Variants in SOS1 observed in about 807,000 individuals in gnomAD.
SOS1 encodes SOS Ras/Rac guanine nucleotide exchange factor 1.
Under a neutral mutation model 157.6 loss-of-function variants are expected in SOS1, and 25 were observed. The ratio of observed to expected loss-of-function variants is 0.16; its 90% confidence interval spans 0.12 to 0.22. SOS1 has a LOEUF of 0.22. Ranked by LOEUF, SOS1 falls within the 10% of genes least tolerant of loss-of-function variation. SOS1 has a pLI of 1.00. For missense variants in SOS1, 1,237 were observed against 1,599.1 expected (o/e 0.77, Z 3.86); for synonymous variants, 528 against 534.0 (o/e 0.99, Z 0.16).
At chr2:39,114,600 C>T (rs1673576488) in intron 1 of SOS1, among the ~76,000 whole-genome samples, 1 of 152,046 alleles carries the variant, frequency 6.6e-6, no homozygotes, top group East Asian at 1.9e-4. Context: ...CCTGGCCCGG[C>T]TGATTTGTTT....
chr2:39,019,865 A>G (rs375578275), intron 10 of SOS1, among the ~76,000 whole-genome samples: 129 of 151,758 alleles, frequency 8.5e-4, no homozygotes, highest in African/African-American at 3.1e-3. Context: ...CAATATCTTC[A>G]TAGTACGCAC....
chr2:39,115,986 G>C lies in SOS1; in HGVS notation c.87+4350C>G, dbSNP rs188641000. On this transcript the variant is annotated intron_variant, in intron 1 of 22. Transcript: ENST00000402219. ...TATTCCACTGTTTGTATCACAATTTGCTTATTCATTCACCTGCTGACGAAC... is the reference window on the plus strand; with the variant it reads ...TATTCCACTGTTTGTATCACAATTTCCTTATTCATTCACCTGCTGACGAAC... Among the ~76,000 whole-genome samples, 155 of 151,354 alleles carry C rather than the reference G, an allele frequency of 1.0e-3. 1 individual carries two copies. Among genetic ancestry groups the C allele is most frequent in the Admixed American group, 8.7e-3 (133 of 15,216 alleles).
intron 6 of SOS1, among the ~76,000 whole-genome samples, chr2:39,050,736 G>C (rs1359672381): frequency 6.6e-6 from 1 of 152,148 alleles, no homozygotes; most frequent in Non-Finnish European, 1.5e-5. Context: ...TAAAGATACG[G>C]AGGTTTAAAG....
At chr2:39,119,241 G>A (rs1173492528) in intron 1 of SOS1, among the ~76,000 whole-genome samples, 1 of 152,184 alleles carries the variant, frequency 6.6e-6, no homozygotes, top group Non-Finnish European at 1.5e-5. Flanking sequence ...TGACTAGTCA[G>A]ACACTTGAAG....
chr2:39,110,692 GCTA>G (rs1366055737), intron 1 of SOS1, among the ~76,000 whole-genome samples: 2 of 152,178 alleles, frequency 1.3e-5, no homozygotes, highest in Non-Finnish European at 2.9e-5. Context: ...GTCTATGAAA[GCTA>G]CAAGTATAAA....
At chr2:39,000,891 G>T (rs1030590201) in intron 17 of SOS1, among the ~76,000 whole-genome samples, 1 of 152,150 alleles carries the variant, frequency 6.6e-6, no homozygotes, top group South Asian at 2.1e-4. Flanking sequence ...CAGGATATGA[G>T]AATCAATTCT....
chr2:39,049,728 G>C (rs890661645), intron 6 of SOS1, among the ~76,000 whole-genome samples: 4 of 152,070 alleles, frequency 2.6e-5, no homozygotes, highest in African/African-American at 9.7e-5. Flanking sequence ...CTCTTAAAAT[G>C]ACTTTGCGGG....
intron 1 of SOS1, among the ~76,000 whole-genome samples, chr2:39,118,065 T>A (rs975934793): frequency 5.9e-5 from 9 of 152,196 alleles, no homozygotes; most frequent in African/African-American, 2.2e-4. Flanking sequence ...GAGCATCCAA[T>A]CTAGTTATAG....
chr2:39,048,029 T>C (rs1246137053), intron 6 of SOS1, among the ~76,000 whole-genome samples: 2 of 152,218 alleles, frequency 1.3e-5, no homozygotes, highest in Non-Finnish European at 2.9e-5. Context: ...ACAAATATTA[T>C]CTTCCAGTCT....
intron 11 of SOS1, 75 bp from the exon 12 acceptor site, chr2:39,014,064 TC>T: frequency 8.8e-7 from 1 of 1,138,414 alleles, no homozygotes; most frequent in Non-Finnish European, 1.3e-6. Flanking sequence ...ACAAACGTTT[TC>T]ACCAGTCAGC....
Position 39,006,016 on chromosome 2 carries a change from G to A in SOS1, c.2791+396C>T, listed in dbSNP as rs575267265. On this transcript the variant is annotated intron_variant, in intron 17 of 22. Coordinates refer to ENST00000402219, the MANE Select transcript of SOS1 (RefSeq NM_005633.4). ...AGGATGAAGAGAATAAAATTTTGAT[G>A]TGCCAGAGGTGTGGGCCCAAAGGCA... 3.5e-4 allele frequency among the ~76,000 whole-genome samples: 53 copies of A among 152,216 alleles called. 1 individual carries two copies. The highest frequency in any genetic ancestry group is 1.3e-3 in the African/African-American group (53 of 41,546).
intron 17 of SOS1, among the ~76,000 whole-genome samples, chr2:38,998,974 C>T (rs1488693714): frequency 1.3e-5 from 2 of 152,162 alleles, no homozygotes; most frequent in Non-Finnish European, 1.5e-5. Context: ...TTGGCTACTA[C>T]AGTATAATTT....
chr2:39,089,530 CAAAAAAAAAAA>C (rs56688960), intron 1 of SOS1, among the ~76,000 whole-genome samples: 35 of 118,140 alleles, frequency 3.0e-4, no homozygotes, highest in Admixed American at 7.4e-4. Flanking sequence ...ACTCTGTCTC[CAAAAAAAAAAA>C]AAAAAAGAAA....
chr2:39,033,734 G>C (rs1270753380), intron 8 of SOS1, among the ~76,000 whole-genome samples: 2 of 152,070 alleles, frequency 1.3e-5, no homozygotes, highest in African/African-American at 2.4e-5. Flanking sequence ...ACAGGGTCTT[G>C]CCATGTTGCC....
intron 4 of SOS1, among the ~76,000 whole-genome samples, chr2:39,055,131 TTC>T (rs1237350674): frequency 6.6e-6 from 1 of 152,194 alleles, no homozygotes; most frequent in Non-Finnish European, 1.5e-5. Flanking sequence ...TGACTTGGTT[TTC>T]TCTGTTTTAT....
intron 1 of SOS1, among the ~76,000 whole-genome samples, chr2:39,103,459 A>C (rs1275383400): frequency 1.3e-5 from 2 of 152,200 alleles, no homozygotes; most frequent in Non-Finnish European, 2.9e-5. Flanking sequence ...AGACATATAG[A>C]CCAACAGCAT....
At chr2:39,004,190 C>G (rs555019366) in intron 17 of SOS1, among the ~76,000 whole-genome samples, 1 of 151,902 alleles carries the variant, frequency 6.6e-6, no homozygotes, top group African/African-American at 2.4e-5. Flanking sequence ...CCAAGGTGGG[C>G]GGATCATGAA....
Position 39,120,373 on chromosome 2 carries a change from G to A in SOS1, c.50C>T (p.Pro17Leu). 1.2e-6 allele frequency: 2 copies of A among 1,602,420 alleles called. No individual in the cohort carries two copies. Among genetic ancestry groups the A allele is most frequent in the Non-Finnish European group, 1.7e-6 (2 of 1,175,596 alleles). The change falls in exon 1 of 23, where the codon CCC becomes CTC. Residue 17 changes from proline to leucine, a missense_variant. Physicochemically the swap from Pro to Leu is moderately conservative, Grantham distance 98. This residue lies in a region of SOS1 where 99 missense variants were observed against 81.6 expected (regional missense o/e 1.21). Transcript: ENST00000402219. ...PYEFFSEENA[P>L]KWRGLLVPAL... ...AGGCACCAGTAGTCCCCGCCACTTG[G>A]GCGCGTTCTCTTCGCTGAAAAACTC...
intron 8 of SOS1, among the ~76,000 whole-genome samples, chr2:39,030,574 A>C (rs1489737463): frequency 1.3e-5 from 2 of 152,256 alleles, no homozygotes; most frequent in East Asian, 3.9e-4. Context: ...ATCTCTAAAA[A>C]AGAGGGATGG....
Sources: allele counts gnomAD v4.1 joint callset (sites outside exome capture counted in the v4.1 genomes callset), GRCh38; gene constraint gnomAD v4.1.1; regional missense constraint gnomAD v4.1.1; transcripts MANE v1.5; gene names NCBI Gene and HGNC (gene_info 2026-07-23, HGNC 2026-07-21).